NTM: variants seen among roughly 807,000 people sequenced by gnomAD.
NTM encodes neurotrimin.
NTM carries 13 observed loss-of-function variants against 42.1 expected under a neutral mutation model. The observed-to-expected ratio is 0.31, with a 90% CI of 0.20 to 0.49. The LOEUF is 0.49. Among genes scored for constraint, NTM ranks in the 20% least tolerant of loss-of-function variants. The pLI is 0.99. For missense variants in NTM, 373 were observed against 452.8 expected, an observed-to-expected ratio of 0.82 and a Z score of 1.60; for synonymous variants, 187 against 179.2, an observed-to-expected ratio of 1.04 and a Z score of -0.35.
intron 1 of NTM, among the ~76,000 whole-genome samples, chr11:131,849,966 TATAATAATAATA>T (rs10605011): frequency 6.8e-6 from 1 of 146,730 alleles, no homozygotes. Flanking sequence ...AAACTTAAAG[TATAATAATAATA>T]ATAATAATAA....
intron 2 of NTM, among the ~76,000 whole-genome samples, chr11:132,022,943 T>A (rs1000023657): frequency 6.6e-6 from 1 of 152,216 alleles, no homozygotes; most frequent in African/African-American, 2.4e-5. Context: ...ATTAATGTGA[T>A]AAATGTTACT....
intron 1 of NTM, among the ~76,000 whole-genome samples, chr11:131,498,541 C>T (rs370386310): frequency 2.0e-5 from 3 of 152,182 alleles, no homozygotes; most frequent in South Asian, 2.1e-4. Context: ...CATACACACA[C>T]GCACACACTC....
At chr11:132,027,216 ATTTCAAG>A (rs2075301910) in intron 2 of NTM, among the ~76,000 whole-genome samples, 1 of 152,164 alleles carries the variant, frequency 6.6e-6, no homozygotes, top group African/African-American at 2.4e-5. Flanking sequence ...GATATATGAA[ATTTCAAG>A]TTTCTTTGCC....
chr11:132,051,233 G>A (rs374912593), intron 2 of NTM, among the ~76,000 whole-genome samples: 7 of 152,048 alleles, frequency 4.6e-5, no homozygotes, highest in South Asian at 4.1e-4. Context: ...GCCAGACACC[G>A]TTCTGACTGC....
At chr11:131,494,587 A>G (rs1332621234) in intron 1 of NTM, among the ~76,000 whole-genome samples, 1 of 152,238 alleles carries the variant, frequency 6.6e-6, no homozygotes, top group Non-Finnish European at 1.5e-5. Context: ...GGGCAAACTC[A>G]GATGATTGGT....
chr11:131,389,050 G>GAAAAGAAAAAAAGA (rs1555097661), intron 1 of NTM, among the ~76,000 whole-genome samples: 1 of 100,170 alleles, frequency 1.0e-5, no homozygotes, highest in Non-Finnish European at 2.0e-5. Flanking sequence ...AAAAGAAAAG[G>GAAAAGAAAAAAAGA]AAAAAGAAAG....
At chr11:131,992,278 A>G (rs1442422877) in intron 2 of NTM, among the ~76,000 whole-genome samples, 2 of 152,202 alleles carry the variant, frequency 1.3e-5, no homozygotes, top group Non-Finnish European at 2.9e-5. Flanking sequence ...TTACTTTATT[A>G]TACAAATATG....
intron 1 of NTM, among the ~76,000 whole-genome samples, chr11:131,548,465 T>C (rs1311006303): frequency 6.6e-6 from 1 of 152,140 alleles, no homozygotes; most frequent in African/African-American, 2.4e-5. Flanking sequence ...AGTTCTTTCT[T>C]CTCCCCAGAG....
At chr11:131,531,317 G>T (rs2051247309) in intron 1 of NTM, among the ~76,000 whole-genome samples, 1 of 152,050 alleles carries the variant, frequency 6.6e-6, no homozygotes, top group Admixed American at 6.5e-5. Context: ...TTTTTTTGGG[G>T]GGGAGGTGGG....
chr11:132,063,453 T>C (rs2080990676), intron 2 of NTM, among the ~76,000 whole-genome samples: 1 of 152,168 alleles, frequency 6.6e-6, no homozygotes, highest in Admixed American at 6.5e-5. Flanking sequence ...TCTCCGTCTA[T>C]TAATGAGAGG....
rs937239148 is a variant in NTM at position 131,639,950 on chromosome 11, C to T, written c.82+269062C>T. The stretch of plus-strand genomic sequence containing the variant: ...CAGCCTGGGTGACAGAGCGAGACTC[C>T]GTGTCAAAAAATAAAAATAAAAATA... On this transcript the variant is annotated intron_variant, in intron 1 of 8. Coordinates refer to ENST00000683400, the MANE Select transcript of NTM (RefSeq NM_001352005.2). 2.7e-5 allele frequency among the ~76,000 whole-genome samples: 4 copies of T among 150,054 alleles called. No homozygotes were observed. In the South Asian group the frequency reaches 6.4e-4, roughly 24 times the overall value.
chr11:131,764,063 A>G (rs1314893196), intron 1 of NTM, among the ~76,000 whole-genome samples: 1 of 152,148 alleles, frequency 6.6e-6, no homozygotes, highest in Non-Finnish European at 1.5e-5. Context: ...GGAGACAGCA[A>G]TAATAATGAT....
rs116425864 is a variant in NTM, at chr11:132,281,442, G to T, written c.527-26247G>T. Among the ~76,000 whole-genome samples, 1,426 of 152,232 alleles carry T rather than the reference G, an allele frequency of 9.4e-3. 25 individuals carry two copies. Among genetic ancestry groups the T allele is most frequent in the African/African-American group, 0.032 (1,342 of 41,518 alleles). On this transcript the variant is annotated intron_variant, in intron 4 of 8. Transcript: ENST00000683400. ...AATATATACAAGTATATGCATATACGTATATGTTTTTCACAATTCAGATGC... is the reference window on the plus strand; with the variant it reads ...AATATATACAAGTATATGCATATACTTATATGTTTTTCACAATTCAGATGC...
At chr11:131,596,058 G>C (rs960090545) in intron 1 of NTM, among the ~76,000 whole-genome samples, 1 of 152,218 alleles carries the variant, frequency 6.6e-6, no homozygotes, top group African/African-American at 2.4e-5. Flanking sequence ...GTGTGACCGG[G>C]ACAGTGTTTT....
chr11:132,134,729 A>C (rs1406963888), intron 2 of NTM, among the ~76,000 whole-genome samples: 3 of 70,984 alleles, frequency 4.2e-5, no homozygotes, highest in African/African-American at 1.9e-4. Flanking sequence ...ATATATATAT[A>C]TATATATATA....
intron 1 of NTM, among the ~76,000 whole-genome samples, chr11:131,393,542 C>T (rs1191888990): frequency 6.6e-6 from 1 of 152,198 alleles, no homozygotes; most frequent in Non-Finnish European, 1.5e-5. Context: ...ACCGCCCATC[C>T]TTCCCTGTGC....
chr11:132,290,973 A>G (rs912374646), intron 4 of NTM, among the ~76,000 whole-genome samples: 3 of 152,182 alleles, frequency 2.0e-5, no homozygotes, highest in South Asian at 2.1e-4. Flanking sequence ...TCTGAACCAC[A>G]TGTGGGAAAA....
chr11:132,324,671 C>CAT (rs548298813), intron 7 of NTM, among the ~76,000 whole-genome samples: 1 of 112,506 alleles, frequency 8.9e-6, no homozygotes, highest in Non-Finnish European at 2.0e-5. Flanking sequence ...GGAAAAAAAA[C>CAT]TAAAGTTCAT....
intron 1 of NTM, among the ~76,000 whole-genome samples, chr11:131,793,918 T>A (rs2091256548): frequency 6.6e-6 from 1 of 152,180 alleles, no homozygotes; most frequent in South Asian, 2.1e-4. Context: ...GTTCTGACCA[T>A]GGAACCACAA....
Sources: allele counts gnomAD v4.1 joint callset (sites outside exome capture counted in the v4.1 genomes callset), GRCh38; gene constraint gnomAD v4.1.1; transcripts MANE v1.5; gene names NCBI Gene and HGNC (gene_info 2026-07-23, HGNC 2026-07-21).